The following BMAL2 variants were observed in gnomAD, a reference collection of about 807,000 sequenced individuals.
BMAL2 encodes the protein basic helix-loop-helix ARNT like 2.
the BMAL2 span, among the ~76,000 whole-genome samples, chr12:27,371,991 G>C: frequency 6.6e-6 from 1 of 152,198 alleles, no homozygotes; most frequent in African/African-American, 2.4e-5. Context: ...GTAAGTGGGA[G>C]TCCAAGGTGG....
At chr12:27,333,189 C>T in the BMAL2 span, 1 of 1,173,838 alleles carries the variant, frequency 8.5e-7, no homozygotes, top group Non-Finnish European at 1.1e-6. Context: ...GCCAGGTCTG[C>T]CCCCGCTGCC....
chr12:27,366,358 CATT>C, the BMAL2 span, among the ~76,000 whole-genome samples: 1 of 152,104 alleles, frequency 6.6e-6, no homozygotes. Flanking sequence ...TCTTCCATAT[CATT>C]ATTTTTACTA....
the BMAL2 span, among the ~76,000 whole-genome samples, chr12:27,418,922 T>C: frequency 6.7e-6 from 1 of 150,066 alleles, no homozygotes; most frequent in Non-Finnish European, 1.5e-5. Context: ...GAGGTTGCAG[T>C]GAGCCAATGT....
chr12:27,333,019 G>A, the BMAL2 span: 2 of 1,175,958 alleles, frequency 1.7e-6, no homozygotes, highest in Non-Finnish European at 2.1e-6. Context: ...CGGGCCCGGG[G>A]CTCCTCCATG....
chr12:27,379,561 G>C, the BMAL2 span, among the ~76,000 whole-genome samples: 93 of 152,314 alleles, frequency 6.1e-4, no homozygotes, highest in Non-Finnish European at 9.1e-4. Context: ...AGGCTGTGGA[G>C]ACCAGGGGAG....
the BMAL2 span, among the ~76,000 whole-genome samples, chr12:27,356,493 T>C: frequency 6.6e-6 from 1 of 152,300 alleles, no homozygotes; most frequent in East Asian, 1.9e-4. Context: ...ATACTGATCT[T>C]GCTATCCCCC....
chr12:27,398,563 TA>T, the BMAL2 span, among the ~76,000 whole-genome samples: 30,378 of 150,602 alleles, frequency 0.2, 3,369 homozygotes, highest in East Asian at 0.46. Flanking sequence ...ATGGGATTTT[TA>T]AAAAAAAAAC....
the BMAL2 span, among the ~76,000 whole-genome samples, chr12:27,359,536 A>G: frequency 6.6e-6 from 1 of 151,766 alleles, no homozygotes; most frequent in Non-Finnish European, 1.5e-5. Context: ...TAAAAAATCA[A>G]ATGGGTATGG....
chr12:27,376,239 T>C, the BMAL2 span: 2 of 976,240 alleles, frequency 2.0e-6, no homozygotes, highest in South Asian at 1.6e-5. Context: ...AAGGATTTTA[T>C]AGGAATTAGG....
At chr12:27,386,892 A>AAGTGCTGGGATATAGGCTCATTT in the BMAL2 span, among the ~76,000 whole-genome samples, 2 of 152,252 alleles carry the variant, frequency 1.3e-5, no homozygotes, top group East Asian at 3.9e-4. Context: ...CGGCCTCCCA[A>AAGTGCTGGGATATAGGCTCATTT]AGTGCTGGGA....
the BMAL2 span, among the ~76,000 whole-genome samples, chr12:27,397,886 T>C: frequency 4.6e-5 from 7 of 152,358 alleles, no homozygotes; most frequent in Non-Finnish European, 1.0e-4. Flanking sequence ...TTCTTGTGCA[T>C]GTGTGGCAGA....
chr12:27,358,601 C>T, the BMAL2 span, among the ~76,000 whole-genome samples: 1 of 152,054 alleles, frequency 6.6e-6, no homozygotes, highest in Non-Finnish European at 1.5e-5. Context: ...CCTAAAACAC[C>T]CATCCAGAAA....
the BMAL2 span, among the ~76,000 whole-genome samples, chr12:27,411,007 A>G: frequency 6.6e-6 from 1 of 152,186 alleles, no homozygotes; most frequent in East Asian, 1.9e-4. Context: ...AACTATCTTA[A>G]TGTATAAAGA....
chr12:27,363,551 C>T, the BMAL2 span, among the ~76,000 whole-genome samples: 1 of 152,136 alleles, frequency 6.6e-6, no homozygotes, highest in Non-Finnish European at 1.5e-5. Flanking sequence ...TTAGGATTTT[C>T]CTGGTTACCA....
At chr12:27,334,170 C>G in the BMAL2 span, among the ~76,000 whole-genome samples, 1 of 152,198 alleles carries the variant, frequency 6.6e-6, no homozygotes, top group African/African-American at 2.4e-5. Flanking sequence ...TATTCGTAGT[C>G]TTAGGTAAAC....
chr12:27,351,048 G>A, the BMAL2 span, among the ~76,000 whole-genome samples: 1 of 141,674 alleles, frequency 7.1e-6, no homozygotes, highest in East Asian at 2.1e-4. Flanking sequence ...CAGTGCAGTG[G>A]CATGCACATG....
the BMAL2 span, among the ~76,000 whole-genome samples, chr12:27,352,018 C>T: frequency 0.88 from 134,176 of 152,218 alleles, 59,207 homozygotes; most frequent in East Asian, 1. Flanking sequence ...CATCATATCA[C>T]TGCACCCTAA....
chr12:27,423,365 T>C, the BMAL2 span: 1 of 138,934 alleles, frequency 7.2e-6, no homozygotes, highest in African/African-American at 2.7e-5. Flanking sequence ...AGTCTCGCTC[T>C]ATCGCCCAGG....
At chr12:27,347,552 G>A in the BMAL2 span, among the ~76,000 whole-genome samples, 1 of 152,120 alleles carries the variant, frequency 6.6e-6, no homozygotes, top group East Asian at 1.9e-4. Flanking sequence ...GGACATTGTA[G>A]GACCACAGCT....
Sources: allele counts gnomAD v4.1 joint callset (sites outside exome capture counted in the v4.1 genomes callset), GRCh38; gene constraint gnomAD v4.1.1; transcripts MANE v1.5; gene names NCBI Gene and HGNC (gene_info 2026-07-23, HGNC 2026-07-21).